CTNNA2: variants seen among roughly 807,000 people sequenced by gnomAD.
The protein encoded by CTNNA2 is catenin alpha-2.
CTNNA2 carries 42 observed loss-of-function variants against 101.0 expected under a neutral mutation model. The observed-to-expected ratio is 0.42, with a 90% CI of 0.32 to 0.54. The LOEUF (loss-of-function observed/expected upper bound fraction) is 0.54, where lower values mean the gene tolerates loss of function less well. Ranked by LOEUF, CTNNA2 falls within the 20% of genes least tolerant of loss-of-function variation. CTNNA2 has a pLI of 0.14. For missense variants in CTNNA2, 871 were observed against 1,223.1 expected (o/e 0.71, Z 4.29); for synonymous variants, 450 against 456.4 (o/e 0.99, Z 0.18).
At chr2:80,272,500 T>C in intron 7 of CTNNA2, among the ~76,000 whole-genome samples, 1 of 152,196 alleles carries the variant, frequency 6.6e-6, no homozygotes, top group East Asian at 1.9e-4. Flanking sequence ...TTTAGAACCA[T>C]TGGCTCTAAA....
intron 4 of CTNNA2, among the ~76,000 whole-genome samples, chr2:79,462,769 T>C (rs1483328979): frequency 6.6e-6 from 1 of 152,240 alleles, no homozygotes; most frequent in Non-Finnish European, 1.5e-5. Context: ...TATTGGTTGC[T>C]ATTCTGTGCC....
At chr2:79,684,579 G>A (rs1267323460) in intron 2 of CTNNA2, among the ~76,000 whole-genome samples, 4 of 152,116 alleles carry the variant, frequency 2.6e-5, no homozygotes, top group African/African-American at 9.7e-5. Context: ...TGGCTGTTAT[G>A]TTCAATATAT....
At chr2:80,574,836 C>T (rs777792746) in intron 13 of CTNNA2, among the ~76,000 whole-genome samples, 2 of 152,134 alleles carry the variant, frequency 1.3e-5, no homozygotes, top group Non-Finnish European at 2.9e-5. Flanking sequence ...ACTATCTTCC[C>T]ATCTTCAGAC....
intron 3 of CTNNA2, among the ~76,000 whole-genome samples, chr2:79,798,918 G>A (rs72824550): frequency 0.044 from 6,644 of 152,246 alleles, 181 homozygotes; most frequent in Middle Eastern, 0.12. Context: ...ATCTCACAGT[G>A]TTCCAAGGTG....
At chr2:79,967,046 G>T (rs1690117143) in intron 7 of CTNNA2, among the ~76,000 whole-genome samples, 1 of 151,932 alleles carries the variant, frequency 6.6e-6, no homozygotes, top group Non-Finnish European at 1.5e-5. Flanking sequence ...GTCCATTCAT[G>T]ACTTCCAAGT....
At chr2:79,323,608 A>T (rs930637684) in intron 3 of CTNNA2, among the ~76,000 whole-genome samples, 2 of 152,188 alleles carry the variant, frequency 1.3e-5, no homozygotes, top group African/African-American at 4.8e-5. Flanking sequence ...TACCTTCTTC[A>T]TGTTGCCACA....
intron 3 of CTNNA2, among the ~76,000 whole-genome samples, chr2:79,316,266 G>T (rs921523320): frequency 1.3e-5 from 2 of 151,886 alleles, no homozygotes; most frequent in African/African-American, 4.8e-5. Context: ...TATATGTAAT[G>T]GTTTATTTCT....
At chr2:79,992,569 C>T (rs1231691678) in intron 7 of CTNNA2, among the ~76,000 whole-genome samples, 1 of 152,084 alleles carries the variant, frequency 6.6e-6, no homozygotes, top group Non-Finnish European at 1.5e-5. Flanking sequence ...GTAGCTCAGA[C>T]CTAATGTAAG....
chr2:80,211,575 T>A (rs1270833135), intron 7 of CTNNA2, among the ~76,000 whole-genome samples: 1 of 152,190 alleles, frequency 6.6e-6, no homozygotes, highest in African/African-American at 2.4e-5. Context: ...CATTGGTCTA[T>A]ATTTCTGTTT....
At chr2:80,484,175 T>C (rs971819171) in intron 9 of CTNNA2, among the ~76,000 whole-genome samples, 1 of 152,106 alleles carries the variant, frequency 6.6e-6, no homozygotes, top group Non-Finnish European at 1.5e-5. Context: ...ATTTTTTTAA[T>C]TTAAAGTATG....
chr2:80,307,484 A>G (rs534814604), intron 7 of CTNNA2, among the ~76,000 whole-genome samples: 1 of 152,326 alleles, frequency 6.6e-6, no homozygotes, highest in Admixed American at 6.5e-5. Flanking sequence ...AAAAAAAGAA[A>G]AAAAAAGCTC....
rs148085547 is a variant in CTNNA2, at chr2:80,353,934, T to C, written c.1057-39277T>C. ...AAATAAAACAAAACCTCATTCCACA[T>C]GCATTTTTCACTGACACAAGCTCTC... On this transcript the variant is annotated intron_variant, in intron 7 of 18. Transcript: ENST00000402739. Among the ~76,000 whole-genome samples, 563 of 152,248 alleles carry C rather than the reference T, an allele frequency of 3.7e-3. 4 individuals are homozygous for C. Among genetic ancestry groups the C allele is most frequent in the African/African-American group, 0.013 (532 of 41,562 alleles).
chr2:79,205,890 T>G (rs192877180), intron 2 of CTNNA2, among the ~76,000 whole-genome samples: 1 of 152,330 alleles, frequency 6.6e-6, no homozygotes, highest in African/African-American at 2.4e-5. Flanking sequence ...GGAAGTAATT[T>G]GTCTGAGATC....
At chr2:80,049,756 G>C (rs967792546) in intron 7 of CTNNA2, among the ~76,000 whole-genome samples, 1 of 152,168 alleles carries the variant, frequency 6.6e-6, no homozygotes, top group East Asian at 1.9e-4. Context: ...TCCTGAAGCT[G>C]TACTATTGTC....
At chr2:79,218,318 T>TGTGTGTGTGG (rs1173092622) in intron 2 of CTNNA2, among the ~76,000 whole-genome samples, 8 of 58,544 alleles carry the variant, frequency 1.4e-4, no homozygotes, top group African/African-American at 3.7e-4. Context: ...ACTTTGTGTG[T>TGTGTGTGTGG]GTGTGTGTGT....
chr2:79,387,860 C>T (rs900820758), intron 4 of CTNNA2, among the ~76,000 whole-genome samples: 3 of 152,044 alleles, frequency 2.0e-5, no homozygotes, highest in Non-Finnish European at 2.9e-5. Context: ...AAGATGATTA[C>T]AAATCTATAG....
Position 80,043,660 on chromosome 2 carries a change from T to C in CTNNA2, c.1056+133863T>C, listed in dbSNP as rs533378426. The stretch of plus-strand genomic sequence containing the variant: ...AGGTTCAGATGGACTCCCCATCTTA[T>C]TGATAGAGAAATGGAAGCCTAGAGA... On this transcript the variant is annotated intron_variant, in intron 7 of 18. Transcript: ENST00000402739. Among the ~76,000 whole-genome samples the C allele has an allele frequency of 4.1e-4, 62 of 152,348 alleles. 1 individual carries two copies. Among genetic ancestry groups the C allele is most frequent in the African/African-American group, 1.4e-3 (58 of 41,582 alleles).
chr2:79,434,342 A>C (rs1245574029), intron 4 of CTNNA2, among the ~76,000 whole-genome samples: 1 of 151,594 alleles, frequency 6.6e-6, no homozygotes, highest in Non-Finnish European at 1.5e-5. Context: ...AAAATAAGAG[A>C]GGCTTAATAG....
intron 3 of CTNNA2, among the ~76,000 whole-genome samples, chr2:79,765,225 T>C (rs905812032): frequency 6.6e-6 from 1 of 152,242 alleles, no homozygotes; most frequent in Non-Finnish European, 1.5e-5. Context: ...AGTAAACATT[T>C]GTTGACCGTG....
Sources: allele counts gnomAD v4.1 joint callset (sites outside exome capture counted in the v4.1 genomes callset), GRCh38; gene constraint gnomAD v4.1.1; transcripts MANE v1.5; gene names NCBI Gene and HGNC (gene_info 2026-07-23, HGNC 2026-07-21).